The following DCLK1 variants were observed in gnomAD, a reference collection of about 807,000 sequenced individuals.
DCLK1 encodes doublecortin like kinase 1, also known as serine/threonine-protein kinase DCLK1.
In DCLK1, 16 loss-of-function variants were observed where a neutral mutation model predicts 86.2. That is an observed-to-expected ratio of 0.19 (90% CI 0.13 to 0.28). The LOEUF (loss-of-function observed/expected upper bound fraction) is 0.28, where lower values mean the gene tolerates loss of function less well. Among genes scored for constraint, DCLK1 ranks in the 10% least tolerant of loss-of-function variants. The pLI, the probability that DCLK1 is intolerant of heterozygous loss-of-function variation, is 1.00. For synonymous variants in DCLK1, 369 were observed against 370.5 expected (o/e 1.00, Z 0.05); for missense variants, 590 against 940.2 (o/e 0.63, Z 4.87).
intron 4 of DCLK1, among the ~76,000 whole-genome samples, chr13:35,888,334 C>T (rs373556486): frequency 6.6e-6 from 1 of 152,254 alleles, no homozygotes; most frequent in Non-Finnish European, 1.5e-5. Flanking sequence ...TCTCTGGGTA[C>T]ATGTGATTAA....
chr13:36,001,233 C>T (rs1880702120), intron 3 of DCLK1, among the ~76,000 whole-genome samples: 1 of 152,200 alleles, frequency 6.6e-6, no homozygotes, highest in Non-Finnish European at 1.5e-5. Flanking sequence ...TAGGCGTGAG[C>T]CACCGCGCCT....
At chr13:35,884,080 A>T (rs1036755723) in intron 4 of DCLK1, among the ~76,000 whole-genome samples, 4 of 152,182 alleles carry the variant, frequency 2.6e-5, no homozygotes, top group Non-Finnish European at 5.9e-5. Context: ...AACCCATGTG[A>T]TCCCAATGGT....
At position 36,079,119 on chromosome 13, in the gene DCLK1, C is replaced by A. The variant is rs192801766; in HGVS notation, c.723+32750G>T. ...GGCTAGAGATGAGACCATGTCAGGGCGGTTGTGGAAATGCCTAGAATGTTA... is the reference window on the plus strand; with the variant it reads ...GGCTAGAGATGAGACCATGTCAGGGAGGTTGTGGAAATGCCTAGAATGTTA... On this transcript the variant is annotated intron_variant, in intron 3 of 16. Coordinates refer to ENST00000360631, the MANE Select transcript of DCLK1 (RefSeq NM_001330071.2). Among the ~76,000 whole-genome samples, 10 of 152,102 alleles carry A rather than the reference C, an allele frequency of 6.6e-5. No individual in the cohort carries two copies. The East Asian group carries it at 1.5e-3, about 24-fold the overall frequency.
chr13:35,901,005 C>T (rs907626643), intron 4 of DCLK1, among the ~76,000 whole-genome samples: 2 of 151,788 alleles, frequency 1.3e-5, no homozygotes, highest in Admixed American at 6.6e-5. Context: ...TTTCTTAAGG[C>T]AGGTGTTGAG....
chr13:35,793,856 T>G (rs531591636), intron 15 of DCLK1, among the ~76,000 whole-genome samples: 4 of 152,228 alleles, frequency 2.6e-5, no homozygotes, highest in South Asian at 2.1e-4. Flanking sequence ...TTTTTAATTT[T>G]TTTTTCCTCT....
At chr13:36,032,783 G>A (rs969895223) in intron 3 of DCLK1, among the ~76,000 whole-genome samples, 1 of 152,188 alleles carries the variant, frequency 6.6e-6, no homozygotes, top group Non-Finnish European at 1.5e-5. Flanking sequence ...TTCTTTTGGT[G>A]TCTTCTGCAT....
intron 3 of DCLK1, among the ~76,000 whole-genome samples, chr13:36,006,159 G>A (rs1287857906): frequency 3.3e-5 from 5 of 152,148 alleles, no homozygotes; most frequent in South Asian, 4.1e-4. Flanking sequence ...TTCAGCACAC[G>A]TATCCCAGAA....
At chr13:35,935,482 A>G (rs1007500129) in intron 4 of DCLK1, among the ~76,000 whole-genome samples, 11 of 152,116 alleles carry the variant, frequency 7.2e-5, no homozygotes, top group African/African-American at 2.7e-4. Flanking sequence ...AGTAAAAGTG[A>G]GGGGTGAGTA....
intron 16 of DCLK1, among the ~76,000 whole-genome samples, chr13:35,790,090 C>G (rs1342342066): frequency 6.6e-6 from 1 of 152,096 alleles, no homozygotes; most frequent in Non-Finnish European, 1.5e-5. Context: ...CTGTCCTAGC[C>G]AACTCGAGGC....
chr13:35,889,633 G>A (rs898282616), intron 4 of DCLK1, among the ~76,000 whole-genome samples: 3 of 151,916 alleles, frequency 2.0e-5, no homozygotes, highest in Admixed American at 6.6e-5. Flanking sequence ...TTCCATCATC[G>A]TTTTCTTTCC....
intron 3 of DCLK1, among the ~76,000 whole-genome samples, chr13:36,024,162 G>A (rs1294029042): frequency 6.6e-6 from 1 of 151,788 alleles, no homozygotes; most frequent in Non-Finnish European, 1.5e-5. Flanking sequence ...CCAAAGTGCT[G>A]GGATTACAGG....
Position 35,768,789 on chromosome 13 carries a change from G to A in DCLK1, c.*5746C>T, listed in dbSNP as rs2086277369. On this transcript the variant is annotated 3_prime_UTR_variant, in exon 17 of 17. Coordinates refer to ENST00000360631, the MANE Select transcript of DCLK1 (RefSeq NM_001330071.2). ...ACACACTGTGCTATGGAGGACATGT[G>A]GGAAAGCTACACTCTGACCGCATGA... is the stretch of plus-strand genomic sequence containing the variant. The A allele has an allele frequency of 6.6e-6, 1 of 152,200 alleles. No homozygotes were observed. 9.4% of individuals were successfully genotyped at this position (152,200 alleles called of 1,614,324 possible).
At chr13:36,099,029 G>A (rs950838025) in intron 3 of DCLK1, among the ~76,000 whole-genome samples, 23 of 151,254 alleles carry the variant, frequency 1.5e-4, no homozygotes, top group East Asian at 1.2e-3. Context: ...GTGCAATGGC[G>A]CGATCAAAGC....
chr13:35,936,583 T>C (rs1040385857), intron 4 of DCLK1, among the ~76,000 whole-genome samples: 3 of 152,218 alleles, frequency 2.0e-5, no homozygotes, highest in African/African-American at 4.8e-5. Context: ...GGGGTTTCAC[T>C]GGAAGATTGT....
chr13:35,768,833 C>T lies in DCLK1; in HGVS notation c.*5702G>A, dbSNP rs1390576134. Reference sequence around the variant, plus strand: ...CGCATGACTAATTTTTAAAGCCTTGCATAGAGAGAATTCCCCCTAAGAACA... The same window carrying T: ...CGCATGACTAATTTTTAAAGCCTTGTATAGAGAGAATTCCCCCTAAGAACA... On this transcript the variant is annotated 3_prime_UTR_variant, in exon 17 of 17. Transcript: ENST00000360631. 1 of 152,208 alleles carries T rather than the reference C, an allele frequency of 6.6e-6. No individual in the cohort carries two copies. The highest frequency in any genetic ancestry group is 1.9e-4 in the East Asian group (1 of 5,198). The allele number at this position is 152,208 out of a possible 1,614,324, so 9.4% of individuals were successfully genotyped here.
chr13:35,941,599 A>G (rs555785735), intron 4 of DCLK1, among the ~76,000 whole-genome samples: 1 of 152,062 alleles, frequency 6.6e-6, no homozygotes, highest in Non-Finnish European at 1.5e-5. Context: ...ACGGGCATAC[A>G]CACACGCACA....
intron 4 of DCLK1, among the ~76,000 whole-genome samples, chr13:35,881,042 A>C (rs1872865200): frequency 6.6e-6 from 1 of 152,208 alleles, no homozygotes; most frequent in African/African-American, 2.4e-5. Flanking sequence ...ACAGATGAAC[A>C]ATGGCCAGAC....
At chr13:36,062,465 G>A (rs1279766549) in intron 3 of DCLK1, among the ~76,000 whole-genome samples, 1 of 152,084 alleles carries the variant, frequency 6.6e-6, no homozygotes, top group Non-Finnish European at 1.5e-5. Flanking sequence ...TGTTACCCTA[G>A]ACAGAAAGGC....
intron 3 of DCLK1, among the ~76,000 whole-genome samples, chr13:35,964,717 T>C (rs1878636422): frequency 6.6e-6 from 1 of 151,888 alleles, no homozygotes; most frequent in South Asian, 2.1e-4. Context: ...AATTGAAATC[T>C]ATGGGCCAAA....
Sources: allele counts gnomAD v4.1 joint callset (sites outside exome capture counted in the v4.1 genomes callset), GRCh38; gene constraint gnomAD v4.1.1; transcripts MANE v1.5; gene names NCBI Gene and HGNC (gene_info 2026-07-23, HGNC 2026-07-21).